The following CADM2 variants were observed in gnomAD, a reference collection of about 807,000 sequenced individuals.
CADM2 encodes cell adhesion molecule 2, also known as immunoglobulin superfamily member 4D.
In CADM2, 12 loss-of-function variants were observed where a neutral mutation model predicts 49.8. That is an observed-to-expected ratio of 0.24 (90% confidence interval 0.15 to 0.39). The LOEUF (loss-of-function observed/expected upper bound fraction) is 0.39. Ranked by LOEUF, CADM2 falls within the 10% of genes least tolerant of loss-of-function variation. The pLI, the probability that CADM2 is intolerant of heterozygous loss-of-function variation, is 1.00. For synonymous variants in CADM2, 214 were observed against 175.4 expected (o/e 1.22, Z -1.74); for missense variants, 378 against 492.3 (o/e 0.77, Z 2.20).
intron 8 of CADM2, among the ~76,000 whole-genome samples, chr3:86,003,672 A>G (rs932952148): frequency 2.0e-5 from 3 of 152,164 alleles, no homozygotes; most frequent in Admixed American, 6.5e-5. Flanking sequence ...ACAGATACAG[A>G]TCCATGGCAT....
At chr3:85,158,249 T>A (rs907877602) in intron 1 of CADM2, among the ~76,000 whole-genome samples, 1 of 152,164 alleles carries the variant, frequency 6.6e-6, no homozygotes, top group Admixed American at 6.5e-5. Context: ...GGTGGGACTG[T>A]AAACTAGTTC....
chr3:85,854,403 G>A (rs999931789), intron 3 of CADM2, among the ~76,000 whole-genome samples: 4 of 152,038 alleles, frequency 2.6e-5, no homozygotes, highest in African/African-American at 9.7e-5. Flanking sequence ...TGATAGACTG[G>A]ATAAAGAAAA....
intron 1 of CADM2, among the ~76,000 whole-genome samples, chr3:85,325,953 T>A (rs1245876306): frequency 6.6e-6 from 1 of 152,168 alleles, no homozygotes; most frequent in African/African-American, 2.4e-5. Context: ...ATATTTTGAA[T>A]CTATATTTAA....
chr3:85,224,681 C>G (rs2042115807), intron 1 of CADM2, among the ~76,000 whole-genome samples: 1 of 152,140 alleles, frequency 6.6e-6, no homozygotes, highest in Admixed American at 6.5e-5. Flanking sequence ...TTGCCCATCC[C>G]TATGCCCTGA....
At chr3:85,247,028 C>T (rs1454902091) in intron 1 of CADM2, among the ~76,000 whole-genome samples, 1 of 151,162 alleles carries the variant, frequency 6.6e-6, no homozygotes, top group African/African-American at 2.5e-5. Context: ...CTTTTTATTA[C>T]CTAAGACAAT....
At chr3:85,912,779 G>A (rs1717789452) in intron 6 of CADM2, among the ~76,000 whole-genome samples, 1 of 152,120 alleles carries the variant, frequency 6.6e-6, no homozygotes, top group Non-Finnish European at 1.5e-5. Flanking sequence ...ATACTCCTAT[G>A]TTTCAAATTG....
chr3:85,600,465 G>T (rs899365804), intron 1 of CADM2, among the ~76,000 whole-genome samples: 6 of 151,900 alleles, frequency 3.9e-5, no homozygotes, highest in African/African-American at 1.4e-4. Flanking sequence ...ATGCTAAGAT[G>T]TGTTAAACTA....
chr3:85,323,481 G>A (rs1471530487), intron 1 of CADM2, among the ~76,000 whole-genome samples: 1 of 152,044 alleles, frequency 6.6e-6, no homozygotes, highest in African/African-American at 2.4e-5. Context: ...TTGTGTCATA[G>A]CTGTCACCGC....
intron 7 of CADM2, among the ~76,000 whole-genome samples, chr3:85,956,323 A>T (rs1428889345): frequency 4.0e-5 from 6 of 151,646 alleles, no homozygotes; most frequent in African/African-American, 1.4e-4. Flanking sequence ...CCAATTAGAG[A>T]AAGCCTAGGG....
chr3:85,627,079 C>T (rs968233363), intron 1 of CADM2, among the ~76,000 whole-genome samples: 10 of 151,972 alleles, frequency 6.6e-5, no homozygotes, highest in Admixed American at 6.6e-5. Flanking sequence ...AGAATAGTAA[C>T]AATGAAGTAA....
intron 1 of CADM2, among the ~76,000 whole-genome samples, chr3:84,994,195 T>C (rs2033054687): frequency 1.3e-5 from 2 of 152,180 alleles, no homozygotes; most frequent in Non-Finnish European, 2.9e-5. Flanking sequence ...CAGGCATCGC[T>C]TTTCCACTTC....
At chr3:85,118,732 C>T (rs2107585552) in intron 1 of CADM2, among the ~76,000 whole-genome samples, 1 of 152,074 alleles carries the variant, frequency 6.6e-6, no homozygotes, top group South Asian at 2.1e-4. Flanking sequence ...TAATGTTGTC[C>T]ATTTATTTAT....
chr3:85,392,928 A>G (rs2034588151), intron 1 of CADM2, among the ~76,000 whole-genome samples: 1 of 152,060 alleles, frequency 6.6e-6, no homozygotes, highest in Non-Finnish European at 1.5e-5. Context: ...TGTGTTGTAT[A>G]CTAAAACACA....
chr3:85,484,271 C>T (rs1021204848), intron 1 of CADM2, among the ~76,000 whole-genome samples: 2 of 151,900 alleles, frequency 1.3e-5, no homozygotes, highest in African/African-American at 4.8e-5. Flanking sequence ...TTGAAACTTT[C>T]TGGGGTTTTG....
At chr3:85,370,514 C>G (rs1317055884) in intron 1 of CADM2, among the ~76,000 whole-genome samples, 2 of 152,016 alleles carry the variant, frequency 1.3e-5, no homozygotes, top group Admixed American at 1.3e-4. Context: ...AGTAATAGCA[C>G]AATGCATTAC....
intron 2 of CADM2, among the ~76,000 whole-genome samples, chr3:85,757,542 T>C (rs1559636535): frequency 6.6e-6 from 1 of 151,858 alleles, no homozygotes; most frequent in South Asian, 2.1e-4. Context: ...ATGGAGCATT[T>C]AAAAAAAACT....
chr3:85,358,964 CACTT>C (rs2032102238), intron 1 of CADM2, among the ~76,000 whole-genome samples: 1 of 152,092 alleles, frequency 6.6e-6, no homozygotes, highest in African/African-American at 2.4e-5. Flanking sequence ...ATTTCTGAAA[CACTT>C]TATAATGTGA....
chr3:85,963,131 T>C (rs1480797499), intron 8 of CADM2, among the ~76,000 whole-genome samples: 2 of 151,964 alleles, frequency 1.3e-5, no homozygotes, highest in Non-Finnish European at 2.9e-5. Context: ...TATTTTCAAG[T>C]TGCATTATTG....
chr3:85,363,515 AG>A (rs540203860), intron 1 of CADM2, among the ~76,000 whole-genome samples: 239 of 152,306 alleles, frequency 1.6e-3, no homozygotes, highest in Middle Eastern at 6.8e-3. Flanking sequence ...TAAAAAAAAA[AG>A]GTTTAGTCTT....
Sources: allele counts gnomAD v4.1 joint callset (sites outside exome capture counted in the v4.1 genomes callset), GRCh38; gene constraint gnomAD v4.1.1; transcripts MANE v1.5; gene names NCBI Gene and HGNC (gene_info 2026-07-23, HGNC 2026-07-21).